The following PIK3C2A variants were observed in gnomAD, a reference collection of about 807,000 sequenced individuals.
The protein encoded by PIK3C2A is phosphatidylinositol-4-phosphate 3-kinase catalytic subunit type 2 alpha.
A neutral mutation model predicts 204.5 loss-of-function variants in PIK3C2A; 97 were observed. The observed-to-expected ratio is 0.47, with a 90% confidence interval of 0.40 to 0.56. The LOEUF (loss-of-function observed/expected upper bound fraction) is 0.56. PIK3C2A is among the 20% of genes least tolerant of loss of function. The probability of loss-of-function intolerance (pLI) is 0.00; values close to 1 mark genes in which losing one functional copy is unlikely to be tolerated. For synonymous variants in PIK3C2A, 653 were observed against 664.4 expected (o/e 0.98, Z 0.26); for missense variants, 1,735 against 1,969.2 (o/e 0.88, Z 2.25).
At chr11:17,108,444 A>C (rs1848900491) in intron 22 of PIK3C2A, among the ~76,000 whole-genome samples, 1 of 151,966 alleles carries the variant, frequency 6.6e-6, no homozygotes, top group Non-Finnish European at 1.5e-5. Context: ...TTTATGAAAA[A>C]TTTTAAAAAT....
chr11:17,101,722 G>T lies in PIK3C2A; in HGVS notation c.3852-288C>A, dbSNP rs61763080. ...GGGTTCATGACATTCTCCTGCCTCA[G>T]CCTCCCGAGTAGCCGGGACCACAGG... On this transcript the variant is annotated intron_variant, in intron 24 of 32. Transcript: ENST00000691414. Among the ~76,000 whole-genome samples the T allele has an allele frequency of 6.5e-3, 976 of 150,916 alleles. 2 individuals carry two copies. Among genetic ancestry groups the T allele is most frequent in the Non-Finnish European group, 0.011 (724 of 67,876 alleles).
At chr11:17,153,991 T>G (rs1320318163) in intron 3 of PIK3C2A, among the ~76,000 whole-genome samples, 3 of 152,216 alleles carry the variant, frequency 2.0e-5, no homozygotes, top group Non-Finnish European at 2.9e-5. Flanking sequence ...TAGTATTTGT[T>G]GCAGTCATAG....
chr11:17,089,665 G>C lies in PIK3C2A; in HGVS notation c.*73C>G, dbSNP rs201587362. 3.6e-6 allele frequency: 3 copies of C among 829,784 alleles called. No individual in the cohort carries two copies. The highest frequency in any genetic ancestry group is 1.7e-5 in the South Asian group (1 of 58,050). 51.4% of individuals were successfully genotyped at this position (829,784 alleles called of 1,614,324 possible). On this transcript the variant is annotated 3_prime_UTR_variant, in exon 33 of 33. Transcript: ENST00000691414. ...AAAATTAACAAGTGTGTGTGTGTGTGTCTGTGTGTGTGTGCATGTATGCAT... is the reference window on the plus strand; with the variant it reads ...AAAATTAACAAGTGTGTGTGTGTGTCTCTGTGTGTGTGTGCATGTATGCAT...
chr11:17,145,784 G>A, intron 7 of PIK3C2A, 53 bp from the exon 8 acceptor site: 2 of 1,550,232 alleles, frequency 1.3e-6, no homozygotes, highest in African/African-American at 2.7e-5. Flanking sequence ...CAAAATGATT[G>A]TTTTCATCAC....
chr11:17,106,320 G>T (rs1210444780), intron 22 of PIK3C2A, among the ~76,000 whole-genome samples: 1 of 151,842 alleles, frequency 6.6e-6, no homozygotes, highest in African/African-American at 2.4e-5. Context: ...GCTGATGCAT[G>T]AGAATTACTT....
intron 1 of PIK3C2A, among the ~76,000 whole-genome samples, chr11:17,201,435 G>A (rs1332003596): frequency 6.7e-6 from 1 of 148,202 alleles, no homozygotes; most frequent in African/African-American, 2.5e-5. Flanking sequence ...GCTGAGGCAG[G>A]AGAATCACTT....
At chr11:17,161,590 T>A (rs1850777470) in intron 2 of PIK3C2A, among the ~76,000 whole-genome samples, 1 of 152,162 alleles carries the variant, frequency 6.6e-6, no homozygotes, top group Admixed American at 6.5e-5. Flanking sequence ...CAGTTTTAAG[T>A]ATTATGTCTT....
At chr11:17,134,754 G>T in intron 11 of PIK3C2A, 65 bp downstream of exon 11, 1 of 1,164,466 alleles carries the variant, frequency 8.6e-7, no homozygotes, top group Non-Finnish European at 1.3e-6. Flanking sequence ...TCCCACTGTG[G>T]CCTCACAAAG....
At chr11:17,136,996 T>C (rs1336616017) in intron 8 of PIK3C2A, among the ~76,000 whole-genome samples, 2 of 152,190 alleles carry the variant, frequency 1.3e-5, no homozygotes, top group Admixed American at 6.5e-5. Context: ...TGCAAAAATA[T>C]GGTATCAAAA....
intron 5 of PIK3C2A, among the ~76,000 whole-genome samples, chr11:17,147,872 A>G (rs1198705411): frequency 6.6e-6 from 1 of 152,206 alleles, no homozygotes; most frequent in African/African-American, 2.4e-5. Context: ...GGGCATTTCT[A>G]GCAGCCTAGG....
In PIK3C2A at chr11:17,138,249, C is replaced by G. The variant is rs1366688234; in HGVS notation, c.1705-1624G>C. On this transcript the variant is annotated intron_variant, in intron 8 of 32. Transcript: ENST00000691414. ...GGTACAAAGGTAAACAATTCTATTA[C>G]CAGGGGTTCAGGACAGGCTAGGAAA... 4.3e-6 allele frequency: 4 copies of G among 920,532 alleles called. No homozygotes were observed. In the African/African-American group the frequency reaches 6.5e-5, roughly 15 times the overall value. The allele number at this position is 920,532 out of a possible 1,614,324, so 57.0% of individuals were successfully genotyped here.
At chr11:17,145,182 G>C (rs954363714) in intron 8 of PIK3C2A, among the ~76,000 whole-genome samples, 15 of 152,146 alleles carry the variant, frequency 9.9e-5, no homozygotes, top group African/African-American at 3.6e-4. Flanking sequence ...GAGACTATTT[G>C]AAGGGCATGA....
At chr11:17,199,413 T>A (rs1852284209) in intron 1 of PIK3C2A, among the ~76,000 whole-genome samples, 1 of 152,180 alleles carries the variant, frequency 6.6e-6, no homozygotes, top group East Asian at 1.9e-4. Context: ...AGTACACTAA[T>A]ACTCATAGCA....
intron 1 of PIK3C2A, among the ~76,000 whole-genome samples, chr11:17,198,329 C>A (rs537989125): frequency 6.7e-6 from 1 of 149,156 alleles, no homozygotes; most frequent in African/African-American, 2.5e-5. Flanking sequence ...AGGCTGGTCT[C>A]GAACTCCTGA....
intron 1 of PIK3C2A, among the ~76,000 whole-genome samples, chr11:17,206,652 G>T (rs1005272550): frequency 6.6e-6 from 1 of 151,502 alleles, no homozygotes; most frequent in Non-Finnish European, 1.5e-5. Context: ...CTCTTGTGGA[G>T]ACTTGAACCA....
At chr11:17,206,107 G>A (rs1200123488) in intron 1 of PIK3C2A, among the ~76,000 whole-genome samples, 14 of 152,126 alleles carry the variant, frequency 9.2e-5, no homozygotes, top group Admixed American at 1.3e-4. Context: ...GCGACAGAGC[G>A]AGATTCAAAC....
chr11:17,130,565 G>A (rs1203362143), intron 12 of PIK3C2A, among the ~76,000 whole-genome samples: 2 of 152,214 alleles, frequency 1.3e-5, no homozygotes, highest in East Asian at 3.9e-4. Flanking sequence ...AGCACTTTGG[G>A]AGGCCAAGGT....
At chr11:17,188,238 C>T (rs1317237210) in intron 1 of PIK3C2A, among the ~76,000 whole-genome samples, 1 of 132,314 alleles carries the variant, frequency 7.6e-6, no homozygotes, top group Non-Finnish European at 1.5e-5. Context: ...ACTCAGGAGT[C>T]TGAGGCAGGA....
chr11:17,132,998 A>G (rs1448456997), intron 11 of PIK3C2A, among the ~76,000 whole-genome samples: 1 of 152,234 alleles, frequency 6.6e-6, no homozygotes, highest in Non-Finnish European at 1.5e-5. Context: ...ACTTACTGCT[A>G]GCCTTACATG....
Sources: gnomAD v4.1 joint callset for allele counts (sites outside exome capture counted in the v4.1 genomes callset) on GRCh38, gnomAD v4.1.1 for gene constraint, MANE v1.5 for transcripts, NCBI Gene and HGNC (gene_info 2026-07-23, HGNC 2026-07-21) for gene names.